Variants in GNAI1 observed in about 807,000 individuals in gnomAD.
GNAI1 encodes G protein subunit alpha i1.
In GNAI1, 11 loss-of-function variants were observed where a neutral mutation model predicts 38.9. The ratio of observed to expected loss-of-function variants is 0.28; its 90% CI spans 0.18 to 0.47. GNAI1 has a LOEUF of 0.47. Ranked by LOEUF, GNAI1 falls within the 20% of genes least tolerant of loss-of-function variation. The pLI, the probability that GNAI1 is intolerant of heterozygous loss-of-function variation, is 0.99. For synonymous variants in GNAI1, 166 were observed against 145.1 expected (o/e 1.14, Z -1.04); for missense variants, 317 against 436.9 (o/e 0.73, Z 2.45).
intron 1 of GNAI1, among the ~76,000 whole-genome samples, chr7:80,177,661 A>G (rs73378668): frequency 0.027 from 4,149 of 152,126 alleles, 105 homozygotes; most frequent in African/African-American, 0.072. Context: ...TATTTTTTGT[A>G]GAGTTGGGGG....
intron 1 of GNAI1, among the ~76,000 whole-genome samples, chr7:80,179,419 A>T (rs1353221921): frequency 6.6e-6 from 1 of 152,210 alleles, no homozygotes; most frequent in African/African-American, 2.4e-5. Flanking sequence ...TCATAGCTTC[A>T]GAACCACTGT....
chr7:80,173,706 T>C (rs1788135342), intron 1 of GNAI1, among the ~76,000 whole-genome samples: 1 of 152,162 alleles, frequency 6.6e-6, no homozygotes, highest in Non-Finnish European at 1.5e-5. Flanking sequence ...GGTGATGGCT[T>C]CCTGGTATTC....
intron 1 of GNAI1, among the ~76,000 whole-genome samples, chr7:80,150,451 C>T (rs1416043298): frequency 6.6e-6 from 1 of 152,170 alleles, no homozygotes; most frequent in Non-Finnish European, 1.5e-5. Flanking sequence ...AAGTGATATG[C>T]TTTATGACAC....
intron 1 of GNAI1, among the ~76,000 whole-genome samples, chr7:80,186,802 G>A (rs894076319): frequency 6.6e-5 from 10 of 152,174 alleles, no homozygotes; most frequent in African/African-American, 2.4e-4. Context: ...ACCCAGAGTG[G>A]TTTATTAAAG....
chr7:80,213,185 A>G (rs954691448), intron 7 of GNAI1, among the ~76,000 whole-genome samples: 4 of 152,238 alleles, frequency 2.6e-5, no homozygotes, highest in Non-Finnish European at 4.4e-5. Context: ...TAAATAAGAC[A>G]TGTCTCTGCC....
chr7:80,165,629 A>G (rs952815431), intron 1 of GNAI1, among the ~76,000 whole-genome samples: 2 of 152,176 alleles, frequency 1.3e-5, no homozygotes, highest in Non-Finnish European at 2.9e-5. Flanking sequence ...CTCTTGTGAA[A>G]TTGAACATAC....
chr7:80,141,655 C>T (rs1787527866), intron 1 of GNAI1, among the ~76,000 whole-genome samples: 1 of 152,134 alleles, frequency 6.6e-6, no homozygotes, highest in Non-Finnish European at 1.5e-5. Flanking sequence ...CAGCCTGTTT[C>T]TTGCCTCTGG....
rs977792666 is a variant in GNAI1, at chr7:80,213,920, C to T, written c.874+1051C>T. Reference sequence around the variant, plus strand: ...TCAGTCTTGTGTTGAGTAAATTGTACGATGAGTATTCACTGCCATTTTACA... The same window carrying T: ...TCAGTCTTGTGTTGAGTAAATTGTATGATGAGTATTCACTGCCATTTTACA... On this transcript the variant is annotated intron_variant, in intron 7 of 7. Coordinates refer to ENST00000649796, the MANE Select transcript of GNAI1 (RefSeq NM_002069.6). Among the ~76,000 whole-genome samples the T allele has an allele frequency of 5.3e-5, 8 of 151,684 alleles. No individual in the cohort carries two copies. The South Asian group carries it at 1.5e-3, about 28-fold the overall frequency.
At position 80,222,473 on chromosome 7, in the gene GNAI1, C is replaced by T. The variant is rs886301593; in HGVS notation, c.*4980C>T. 6.0e-5 allele frequency among the ~76,000 whole-genome samples: 9 copies of T among 150,140 alleles called. No homozygotes were observed. Among genetic ancestry groups the T allele is most frequent in the Admixed American group, 1.3e-4 (2 of 15,000 alleles). ...TGCGATCTCGGCTCACCGCAACATC[C>T]GCCTCCCGGGTACAAGCAATTCTCC... On this transcript the variant is annotated 3_prime_UTR_variant, in exon 8 of 8. Transcript: ENST00000649796.
In GNAI1 at chr7:80,223,865, A is replaced by G. The variant is rs547171535; in HGVS notation, c.*6372A>G. ...TGAATTTCTTAACATAGTAAGTTACAAATTTTAACTATGAATCTTCTTCTT... is the reference window on the plus strand; with the variant it reads ...TGAATTTCTTAACATAGTAAGTTACGAATTTTAACTATGAATCTTCTTCTT... On this transcript the variant is annotated 3_prime_UTR_variant, in exon 8 of 8. Coordinates refer to ENST00000649796, the MANE Select transcript of GNAI1 (RefSeq NM_002069.6). Among the ~76,000 whole-genome samples, 4 of 152,224 alleles carry G rather than the reference A, an allele frequency of 2.6e-5. No individual in the cohort carries two copies. The highest frequency in any genetic ancestry group is 5.9e-5 in the Non-Finnish European group (4 of 68,038).
chr7:80,144,276 C>T (rs1262213510), intron 1 of GNAI1, among the ~76,000 whole-genome samples: 3 of 146,422 alleles, frequency 2.0e-5, no homozygotes, highest in South Asian at 2.2e-4. Flanking sequence ...AATTATGAAA[C>T]GTTAAGTTTA....
intron 7 of GNAI1, 73 bp from the exon 8 acceptor site, chr7:80,217,230 G>GAAACTGACTTCAGTTTCATATGTATA (rs1562846623): frequency 3.0e-6 from 3 of 1,015,036 alleles, no homozygotes; most frequent in Non-Finnish European, 4.3e-6. Flanking sequence ...TCATATGTAT[G>GAAACTGACTTCAGTTTCATATGTATA]AAACTGAATT....
intron 1 of GNAI1, among the ~76,000 whole-genome samples, chr7:80,180,283 T>C (rs1262581994): frequency 3.3e-5 from 5 of 151,816 alleles, no homozygotes; most frequent in Non-Finnish European, 7.4e-5. Flanking sequence ...CTTACCCTTA[T>C]AGGTCTTACA....
At chr7:80,199,453 A>G (rs1788641182) in intron 4 of GNAI1, 71 bp downstream of exon 4, 1 of 1,138,990 alleles carries the variant, frequency 8.8e-7, no homozygotes. Context: ...CTTCCAAGTC[A>G]ATTTTACTGC....
intron 1 of GNAI1, among the ~76,000 whole-genome samples, chr7:80,172,155 T>C (rs918542683): frequency 6.6e-6 from 1 of 152,194 alleles, no homozygotes; most frequent in African/African-American, 2.4e-5. Context: ...GTCTATGAAA[T>C]AGTTCATTTT....
At position 80,189,153 on chromosome 7, in the gene GNAI1, T is replaced by C. The variant is rs2115632621; in HGVS notation, c.225T>C (p.Ser75=). ...ECKQYKAVVY[S]NTIQSIIAII... ...AACAATACAAAGCAGTGGTCTACAG[T>C]AACACCATCCAGTCAATTATTGCTA... The change falls in exon 3 of 8, where the codon AGT becomes AGC. Residue 75 remains serine, a synonymous_variant. Transcript: ENST00000649796. 1 of 1,606,424 alleles carries C rather than the reference T, an allele frequency of 6.2e-7. No individual in the cohort carries two copies. The highest frequency in any genetic ancestry group is 1.7e-4 in the Middle Eastern group (1 of 6,022).
intron 7 of GNAI1, 65 bp from the exon 8 acceptor site, chr7:80,217,238 A>AGTTTCAGATGTATGAAACTGAC: frequency 6.2e-6 from 2 of 323,772 alleles, no homozygotes; most frequent in Non-Finnish European, 9.1e-6. Flanking sequence ...ATGAAACTGA[A>AGTTTCAGATGTATGAAACTGAC]TTCAGTATTT....
chr7:80,142,713 A>G (rs1787547899), intron 1 of GNAI1, among the ~76,000 whole-genome samples: 1 of 152,178 alleles, frequency 6.6e-6, no homozygotes, highest in Admixed American at 6.5e-5. Context: ...GGGTATTTTG[A>G]GTGAATTTTA....
At chr7:80,160,644 T>C (rs1450336605) in intron 1 of GNAI1, among the ~76,000 whole-genome samples, 1 of 152,156 alleles carries the variant, frequency 6.6e-6, no homozygotes, top group African/African-American at 2.4e-5. Flanking sequence ...TGTTTGCCAG[T>C]GTATTATCTG....
Sources: gnomAD v4.1 joint callset for allele counts (sites outside exome capture counted in the v4.1 genomes callset) on GRCh38, gnomAD v4.1.1 for gene constraint, MANE v1.5 for transcripts, NCBI Gene and HGNC (gene_info 2026-07-23, HGNC 2026-07-21) for gene names.